EYS: variants seen among roughly 807,000 people sequenced by gnomAD.
EYS encodes the protein protein eyes shut homolog.
EYS carries 250 observed loss-of-function variants against 282.1 expected under a neutral mutation model. The observed-to-expected ratio is 0.89, with a 90% CI of 0.80 to 0.98. EYS has a LOEUF of 0.98. Ranked by LOEUF, EYS falls within the 50% of genes least tolerant of loss-of-function variation. The pLI, the probability that EYS is intolerant of heterozygous loss-of-function variation, is 0.00. For synonymous variants in EYS, 1,355 were observed against 1,282.9 expected, an observed-to-expected ratio of 1.06 and a Z score of -1.20; for missense variants, 4,016 against 3,709.0, an observed-to-expected ratio of 1.08 and a Z score of -2.15.
intron 13 of EYS, among the ~76,000 whole-genome samples, chr6:65,042,108 C>A (rs1326920692): frequency 6.6e-6 from 1 of 151,612 alleles, no homozygotes. Flanking sequence ...TACTGATCAA[C>A]TGACCCCTTC....
chr6:64,307,946 T>C (rs1355038803), intron 29 of EYS, among the ~76,000 whole-genome samples: 3 of 152,072 alleles, frequency 2.0e-5, no homozygotes, highest in Admixed American at 2.0e-4. Context: ...TAGTACTGTA[T>C]AGATTACATA....
intron 31 of EYS, among the ~76,000 whole-genome samples, chr6:64,192,891 A>G (rs1417654896): frequency 6.6e-6 from 1 of 152,186 alleles, no homozygotes; most frequent in Non-Finnish European, 1.5e-5. Context: ...TCCTTGTCCC[A>G]TTGATCTTTA....
At chr6:65,434,761 T>C (rs1260834016) in intron 5 of EYS, among the ~76,000 whole-genome samples, 1 of 152,194 alleles carries the variant, frequency 6.6e-6, no homozygotes, top group Non-Finnish European at 1.5e-5. Context: ...CATTGACATA[T>C]GCTACTCTTT....
intron 15 of EYS, among the ~76,000 whole-genome samples, chr6:64,918,604 G>A (rs1181993298): frequency 2.0e-5 from 3 of 152,100 alleles, no homozygotes; most frequent in Admixed American, 2.0e-4. Context: ...CACAAAGGGA[G>A]TAATAAAGTA....
intron 12 of EYS, among the ~76,000 whole-genome samples, chr6:65,160,497 A>G (rs932918737): frequency 6.6e-6 from 1 of 150,848 alleles, no homozygotes; most frequent in African/African-American, 2.4e-5. Context: ...TCAAATTTTC[A>G]AAGTTGGGGG....
intron 14 of EYS, among the ~76,000 whole-genome samples, chr6:64,986,580 C>T (rs1206935489): frequency 3.3e-5 from 5 of 150,856 alleles, no homozygotes; most frequent in Admixed American, 1.3e-4. Flanking sequence ...ATAATACTTA[C>T]TATGGTTTGT....
intron 36 of EYS, among the ~76,000 whole-genome samples, chr6:63,859,680 G>A (rs1183190388): frequency 6.6e-6 from 1 of 151,610 alleles, no homozygotes; most frequent in Non-Finnish European, 1.5e-5. Context: ...CTTGCATAAG[G>A]AGAGGCAACA....
intron 2 of EYS, among the ~76,000 whole-genome samples, chr6:65,498,578 T>C (rs1766334835): frequency 6.6e-6 from 1 of 151,924 alleles, no homozygotes; most frequent in South Asian, 2.1e-4. Context: ...TTATTGTGCA[T>C]TTATGTTTTC....
rs548168476 is a variant in EYS at position 63,804,296 on chromosome 6, G to A, written c.7411+1894C>T. Among the ~76,000 whole-genome samples the A allele has an allele frequency of 1.1e-3, 175 of 152,302 alleles. 4 individuals carry two copies. The highest frequency in any genetic ancestry group is 3.4e-3 in the Admixed American group (52 of 15,298). On this transcript the variant is annotated intron_variant, in intron 37 of 42. Coordinates refer to ENST00000503581, the MANE Select transcript of EYS (RefSeq NM_001142800.2). Reference sequence around the variant, plus strand: ...CTCCCAAAGTGCTGGGATTACAGGCGTGAGTCACCGCGCCTGGCCGAGTCC... The same window carrying A: ...CTCCCAAAGTGCTGGGATTACAGGCATGAGTCACCGCGCCTGGCCGAGTCC...
Position 64,851,432 on chromosome 6 carries a change from G to A in EYS, c.2993-28610C>T, listed in dbSNP as rs187112791. On this transcript the variant is annotated intron_variant, in intron 19 of 42. Transcript: ENST00000503581. Reference sequence around the variant, plus strand: ...TATGGAGAGAAATTTTGCCCAAGATGAAATACTCAGAGCTTCATTCATACC... The same window carrying A: ...TATGGAGAGAAATTTTGCCCAAGATAAAATACTCAGAGCTTCATTCATACC... Among the ~76,000 whole-genome samples, 6 of 152,194 alleles carry A rather than the reference G, an allele frequency of 3.9e-5. No individual in the cohort carries two copies. In the East Asian group the frequency reaches 1.2e-3, roughly 29 times the overall value.
chr6:65,694,273 A>C (rs1458434880), intron 1 of EYS, among the ~76,000 whole-genome samples: 3 of 147,840 alleles, frequency 2.0e-5, no homozygotes. Context: ...AAAATAAAAA[A>C]TAAAAAAATA....
At chr6:64,688,708 G>A (rs1473658089) in intron 22 of EYS, among the ~76,000 whole-genome samples, 1 of 152,176 alleles carries the variant, frequency 6.6e-6, no homozygotes, top group Admixed American at 6.5e-5. Flanking sequence ...CTGTTGATTT[G>A]GGGTGGAGAG....
At chr6:64,341,801 T>C (rs1463022280) in intron 29 of EYS, among the ~76,000 whole-genome samples, 1 of 151,650 alleles carries the variant, frequency 6.6e-6, no homozygotes, top group Non-Finnish European at 1.5e-5. Flanking sequence ...TGCCCATTAA[T>C]CTCTATGTCA....
chr6:64,961,203 T>C (rs1769904384), intron 14 of EYS, among the ~76,000 whole-genome samples: 1 of 152,138 alleles, frequency 6.6e-6, no homozygotes. Context: ...AGTGGTTCTG[T>C]CATTACATCA....
chr6:63,873,572 C>T (rs1217355634), intron 35 of EYS, among the ~76,000 whole-genome samples: 3 of 152,118 alleles, frequency 2.0e-5, no homozygotes, highest in Non-Finnish European at 1.5e-5. Flanking sequence ...CTTGAGGAAT[C>T]CCCCACACTG....
intron 31 of EYS, among the ~76,000 whole-genome samples, chr6:64,206,379 G>T (rs1029434023): frequency 6.6e-6 from 1 of 152,024 alleles, no homozygotes; most frequent in Non-Finnish European, 1.5e-5. Flanking sequence ...TTATTATTTT[G>T]TTATTCAAAT....
At chr6:64,942,439 T>C (rs1769119375) in intron 15 of EYS, among the ~76,000 whole-genome samples, 1 of 143,884 alleles carries the variant, frequency 7.0e-6, no homozygotes, top group East Asian at 2.0e-4. Context: ...AGTTGGTTTT[T>C]TGAAAGCATA....
At chr6:65,671,204 A>G (rs546741578) in intron 1 of EYS, among the ~76,000 whole-genome samples, 5 of 138,002 alleles carry the variant, frequency 3.6e-5, no homozygotes, top group African/African-American at 1.7e-4. Flanking sequence ...TGATCATTAA[A>G]TTAAAATCAG....
At chr6:65,245,177 C>A (rs191996642) in intron 12 of EYS, among the ~76,000 whole-genome samples, 46 of 152,154 alleles carry the variant, frequency 3.0e-4, no homozygotes, top group Admixed American at 2.9e-3. Context: ...TGGACTTAAA[C>A]CTATTGCAGC....
Sources: allele counts gnomAD v4.1 joint callset (sites outside exome capture counted in the v4.1 genomes callset), GRCh38; gene constraint gnomAD v4.1.1; transcripts MANE v1.5; gene names NCBI Gene and HGNC (gene_info 2026-07-23, HGNC 2026-07-21).